The following WWOX variants were observed in gnomAD, a reference collection of about 807,000 sequenced individuals.
WWOX encodes WW domain containing oxidoreductase.
Under a neutral mutation model 46.2 loss-of-function variants are expected in WWOX, and 69 were observed. The observed-to-expected ratio is 1.49, with a 90% confidence interval of 1.23 to 1.82. The LOEUF (loss-of-function observed/expected upper bound fraction) is 1.82, where lower values mean the gene tolerates loss of function less well. Ranked by LOEUF, WWOX falls within the 40% of genes most tolerant of loss-of-function variation. WWOX has a pLI of 0.00. For missense variants in WWOX, 919 were observed against 542.6 expected (o/e 1.69, Z -6.89); for synonymous variants, 359 against 202.6 (o/e 1.77, Z -6.56).
At chr16:78,476,504 T>C (rs1341532258) in intron 8 of WWOX, among the ~76,000 whole-genome samples, 2 of 151,946 alleles carry the variant, frequency 1.3e-5, no homozygotes, top group Non-Finnish European at 2.9e-5. Flanking sequence ...ATACCTAATG[T>C]AAATGACGAG....
chr16:78,327,811 C>T (rs2080662219), intron 5 of WWOX, among the ~76,000 whole-genome samples: 1 of 151,492 alleles, frequency 6.6e-6, no homozygotes, highest in Non-Finnish European at 1.5e-5. Context: ...TCTTAGAGCA[C>T]CCAGAGCTGG....
intron 8 of WWOX, chr16:78,981,883 C>T (rs1046832358): frequency 1.3e-5 from 2 of 152,128 alleles, no homozygotes; most frequent in Admixed American, 1.3e-4. Context: ...TGCCAGGTGC[C>T]CCCCGAAAAG....
intron 8 of WWOX, among the ~76,000 whole-genome samples, chr16:78,474,943 A>G (rs901932840): frequency 6.6e-6 from 1 of 152,230 alleles, no homozygotes; most frequent in African/African-American, 2.4e-5. Flanking sequence ...TTTCAAAATG[A>G]GTAAACATAT....
chr16:78,869,901 C>G (rs891021879), intron 8 of WWOX, among the ~76,000 whole-genome samples: 1 of 152,156 alleles, frequency 6.6e-6, no homozygotes, highest in Non-Finnish European at 1.5e-5. Flanking sequence ...GGGGCCAGCA[C>G]ATTTGGAGAA....
At chr16:78,984,908 G>A (rs1406446916) in intron 8 of WWOX, among the ~76,000 whole-genome samples, 4 of 151,926 alleles carry the variant, frequency 2.6e-5, no homozygotes, top group East Asian at 1.9e-4. Context: ...TCAGTTAATC[G>A]GCTCATCAAG....
At chr16:78,524,016 G>A (rs1014260297) in intron 8 of WWOX, among the ~76,000 whole-genome samples, 22 of 152,170 alleles carry the variant, frequency 1.4e-4, no homozygotes, top group Non-Finnish European at 2.2e-4. Flanking sequence ...ACTCTGTTTC[G>A]TGTGGATCAC....
At chr16:78,844,086 T>C (rs972713102) in intron 8 of WWOX, among the ~76,000 whole-genome samples, 2 of 152,228 alleles carry the variant, frequency 1.3e-5, no homozygotes, top group Admixed American at 6.5e-5. Context: ...AACGTGGAGG[T>C]CTAAGGTGAC....
intron 8 of WWOX, among the ~76,000 whole-genome samples, chr16:78,941,409 G>C (rs1262974962): frequency 6.6e-6 from 1 of 151,892 alleles, no homozygotes; most frequent in Admixed American, 6.6e-5. Flanking sequence ...TGGAGACAGA[G>C]CGTTAGCCGT....
chr16:78,949,900 C>A (rs964588977), intron 8 of WWOX, among the ~76,000 whole-genome samples: 1 of 152,180 alleles, frequency 6.6e-6, no homozygotes, highest in East Asian at 1.9e-4. Flanking sequence ...ATAGTAGCAG[C>A]AGTATTTATC....
At chr16:78,787,063 G>A (rs1416746794) in intron 8 of WWOX, among the ~76,000 whole-genome samples, 3 of 152,114 alleles carry the variant, frequency 2.0e-5, no homozygotes, top group Non-Finnish European at 4.4e-5. Flanking sequence ...CAGGAGAATC[G>A]CTTGAACCTG....
At chr16:78,316,725 A>G (rs1034718927) in intron 5 of WWOX, among the ~76,000 whole-genome samples, 16 of 152,120 alleles carry the variant, frequency 1.1e-4, no homozygotes, top group Non-Finnish European at 1.6e-4. Context: ...TTTGCAATCT[A>G]TAAGCTTCTG....
chr16:78,614,588 A>G (rs183758793), intron 8 of WWOX, among the ~76,000 whole-genome samples: 4 of 152,114 alleles, frequency 2.6e-5, no homozygotes, highest in Non-Finnish European at 5.9e-5. Flanking sequence ...ATTTCAGGGG[A>G]ATGTGTGGGT....
At position 78,342,049 on chromosome 16, in the gene WWOX, A is replaced by C. The variant is rs2081025506; in HGVS notation, c.517-44811A>C. Among the ~76,000 whole-genome samples, 2 of 121,154 alleles carry C rather than the reference A, an allele frequency of 1.7e-5. 1 individual carries two copies. The highest frequency in any genetic ancestry group is 4.0e-5 in the Non-Finnish European group (2 of 50,622). 79.5% of individuals were successfully genotyped at this position (121,154 alleles called of 152,430 possible). ...CAGAATGGCTTGAGCCTGGGAGATC[A>C]AGGCTACAGTGAGCTGCAATTGTGC... is the stretch of plus-strand genomic sequence containing the variant. On this transcript the variant is annotated intron_variant, in intron 5 of 8. Coordinates refer to ENST00000566780, the MANE Select transcript of WWOX (RefSeq NM_016373.4).
intron 8 of WWOX, among the ~76,000 whole-genome samples, chr16:79,166,115 T>C (rs2150759257): frequency 6.6e-6 from 1 of 152,314 alleles, no homozygotes; most frequent in South Asian, 2.1e-4. Flanking sequence ...CAAGTTGGGG[T>C]ATTGCCGAAG....
chr16:78,161,331 T>C (rs1048764143), intron 4 of WWOX, among the ~76,000 whole-genome samples: 1 of 152,224 alleles, frequency 6.6e-6, no homozygotes, highest in Non-Finnish European at 1.5e-5. Context: ...CACCTTATTA[T>C]TGGCTTCCTG....
chr16:78,504,458 A>C (rs1397927), intron 8 of WWOX, among the ~76,000 whole-genome samples: 2 of 152,132 alleles, frequency 1.3e-5, no homozygotes, highest in East Asian at 1.9e-4. Context: ...AAGAATCCTC[A>C]TACAAATTGT....
chr16:79,006,552 C>G (rs1003690197), intron 8 of WWOX, among the ~76,000 whole-genome samples: 2 of 151,748 alleles, frequency 1.3e-5, no homozygotes, highest in African/African-American at 4.8e-5. Flanking sequence ...ATTTGTGAGG[C>G]ACTGTATTTG....
At chr16:78,456,054 A>G (rs1041406527) in intron 8 of WWOX, among the ~76,000 whole-genome samples, 10 of 152,204 alleles carry the variant, frequency 6.6e-5, no homozygotes, top group Non-Finnish European at 1.0e-4. Flanking sequence ...CTTAGAGGGA[A>G]TCAGTGACGT....
intron 8 of WWOX, among the ~76,000 whole-genome samples, chr16:78,684,159 G>T (rs1188278717): frequency 6.6e-6 from 1 of 152,086 alleles, no homozygotes; most frequent in African/African-American, 2.4e-5. Flanking sequence ...GCTTAGAGTT[G>T]GTTTCCCAAT....
Sources: gnomAD v4.1 joint callset for allele counts (sites outside exome capture counted in the v4.1 genomes callset) on GRCh38, gnomAD v4.1.1 for gene constraint, MANE v1.5 for transcripts, NCBI Gene and HGNC (gene_info 2026-07-23, HGNC 2026-07-21) for gene names.